The following RABEP1 variants were observed in gnomAD, a reference collection of about 807,000 sequenced individuals.
RABEP1 encodes rabaptin, RAB GTPase binding effector protein 1.
In RABEP1, 51 loss-of-function variants were observed where a neutral mutation model predicts 123.4. The ratio of observed to expected loss-of-function variants is 0.41; its 90% CI spans 0.33 to 0.52. RABEP1 has a LOEUF of 0.52. RABEP1 is among the 20% of genes least tolerant of loss of function. The pLI, the probability that RABEP1 is intolerant of heterozygous loss-of-function variation, is 0.16. For missense variants in RABEP1, 888 were observed against 996.3 expected, an observed-to-expected ratio of 0.89 and a Z score of 1.46; for synonymous variants, 347 against 355.2, an observed-to-expected ratio of 0.98 and a Z score of 0.26.
At chr17:5,297,771 C>T (rs542276857) in intron 1 of RABEP1, among the ~76,000 whole-genome samples, 1 of 152,276 alleles carries the variant, frequency 6.6e-6, no homozygotes, top group Admixed American at 6.5e-5. Flanking sequence ...GAGAAGGAAC[C>T]AGCTTAGTGG....
At chr17:5,286,578 C>A (rs556079947) in intron 1 of RABEP1, among the ~76,000 whole-genome samples, 7 of 152,138 alleles carry the variant, frequency 4.6e-5, no homozygotes, top group African/African-American at 9.7e-5. Flanking sequence ...CTAGGAAATA[C>A]AGTGATGAAC....
chr17:5,306,251 C>A (rs943825473), intron 1 of RABEP1, among the ~76,000 whole-genome samples: 1 of 152,194 alleles, frequency 6.6e-6, no homozygotes, highest in Non-Finnish European at 1.5e-5. Context: ...GGCATACTTA[C>A]ATTCTCAGCC....
At chr17:5,381,706 T>C in intron 17 of RABEP1, 1 of 865,026 alleles carries the variant, frequency 1.2e-6, no homozygotes, top group East Asian at 3.5e-5. Flanking sequence ...TTTTTCTGTA[T>C]GCCTTGCCAA....
chr17:5,303,663 T>C (rs1241018231), intron 1 of RABEP1, among the ~76,000 whole-genome samples: 1 of 152,240 alleles, frequency 6.6e-6, no homozygotes, highest in Non-Finnish European at 1.5e-5. Flanking sequence ...ATAGGTGTTT[T>C]CTTGGATTTT....
chr17:5,380,906 G>C (rs1911394888), intron 16 of RABEP1, among the ~76,000 whole-genome samples: 1 of 152,228 alleles, frequency 6.6e-6, no homozygotes, highest in Non-Finnish European at 1.5e-5. Flanking sequence ...GGTCAGACCT[G>C]AAAGTGCAGA....
intron 2 of RABEP1, among the ~76,000 whole-genome samples, chr17:5,330,713 AC>A (rs1413398216): frequency 6.6e-6 from 1 of 152,040 alleles, no homozygotes; most frequent in Non-Finnish European, 1.5e-5. Flanking sequence ...ATACCTTACA[AC>A]TTTAGATGCT....
At chr17:5,332,287 C>T (rs1343629335) in intron 3 of RABEP1, 135 bp downstream of exon 3, 2 of 805,342 alleles carry the variant, frequency 2.5e-6, no homozygotes, top group African/African-American at 1.7e-5. Context: ...TCAAGATATA[C>T]TTTCAGATAA....
rs77907654 is a variant in RABEP1, at chr17:5,286,836, A to G, written c.34+4316A>G. Among the ~76,000 whole-genome samples, 112 of 152,328 alleles carry G rather than the reference A, an allele frequency of 7.4e-4. 3 individuals are homozygous for G. In the East Asian group the frequency reaches 0.019, roughly 26 times the overall value. ...TACGGGTTGTTAGATGATAAGTGCAATGGAAAAAAGAAAACAGAGCAGGAG... is the reference window on the plus strand; with the variant it reads ...TACGGGTTGTTAGATGATAAGTGCAGTGGAAAAAAGAAAACAGAGCAGGAG... On this transcript the variant is annotated intron_variant, in intron 1 of 17. Coordinates refer to ENST00000537505, the MANE Select transcript of RABEP1 (RefSeq NM_004703.6).
In RABEP1 at chr17:5,302,244, A is replaced by ATTTTTTTTTTTTTTT. The variant is rs57770310; in HGVS notation, c.35-6436_35-6435insTTTTTTTTTTTTTTT. 3.2e-3 allele frequency among the ~76,000 whole-genome samples: 382 copies of ATTTTTTTTTTTTTTT among 118,330 alleles called. 39 individuals are homozygous for ATTTTTTTTTTTTTTT. The highest frequency in any genetic ancestry group is 9.1e-3 in the African/African-American group (249 of 27,364). 77.6% of individuals were successfully genotyped at this position (118,330 alleles called of 152,430 possible). ...GATTTAGGGGAATGTTACTGAAAAC[A>ATTTTTTTTTTTTTTT]TTTTTTTTTTTTTTGAGATGGAGTC... On this transcript the variant is annotated intron_variant, in intron 1 of 17. Coordinates refer to ENST00000537505, the MANE Select transcript of RABEP1 (RefSeq NM_004703.6).
chr17:5,285,788 C>A (rs1480389108), intron 1 of RABEP1, among the ~76,000 whole-genome samples: 1 of 152,138 alleles, frequency 6.6e-6, no homozygotes, highest in Non-Finnish European at 1.5e-5. Flanking sequence ...CAAATCCATG[C>A]CATCTGGCTT....
At chr17:5,382,066 T>C (rs1417859027) in intron 17 of RABEP1, among the ~76,000 whole-genome samples, 2 of 147,182 alleles carry the variant, frequency 1.4e-5, no homozygotes, top group African/African-American at 2.5e-5. Context: ...TAAGTTTTTT[T>C]CCCAATGGAA....
Position 5,367,915 on chromosome 17 carries a change from C to T in RABEP1, c.1786-455C>T, listed in dbSNP as rs1446825277. On this transcript the variant is annotated intron_variant, in intron 11 of 17. Transcript: ENST00000537505. ...GAATACAGGTGCCCGCCACCACACC[C>T]AGCTAATTTTTTTTTACTTTTAGTA... is the stretch of plus-strand genomic sequence containing the variant. Among the ~76,000 whole-genome samples, 5 of 151,100 alleles carry T rather than the reference C, an allele frequency of 3.3e-5. No homozygotes were observed. In the Admixed American group the frequency reaches 3.3e-4, roughly 10 times the overall value.
chr17:5,299,131 G>A (rs1230609524), intron 1 of RABEP1, among the ~76,000 whole-genome samples: 1 of 152,182 alleles, frequency 6.6e-6, no homozygotes, highest in Non-Finnish European at 1.5e-5. Flanking sequence ...TGTGGAGGGG[G>A]TGTGGTGGGA....
intron 1 of RABEP1, among the ~76,000 whole-genome samples, chr17:5,300,710 T>A (rs1251161699): frequency 6.6e-6 from 1 of 152,228 alleles, no homozygotes; most frequent in Non-Finnish European, 1.5e-5. Context: ...TAGCACCCTA[T>A]GAGCAGTCTT....
chr17:5,327,421 G>T (rs184548638), intron 2 of RABEP1, among the ~76,000 whole-genome samples: 1 of 152,126 alleles, frequency 6.6e-6, no homozygotes, highest in East Asian at 1.9e-4. Flanking sequence ...AAGATGTTTG[G>T]CAGTATGATG....
At chr17:5,299,937 C>T (rs982229914) in intron 1 of RABEP1, among the ~76,000 whole-genome samples, 4 of 151,586 alleles carry the variant, frequency 2.6e-5, no homozygotes, top group Admixed American at 2.0e-4. Flanking sequence ...ACCATGTGTG[C>T]CAGGATGCTC....
At position 5,361,416 on chromosome 17, in the gene RABEP1, A is replaced by G; in HGVS notation, c.1304A>G (p.Asp435Gly). 2 of 1,614,162 alleles carry G rather than the reference A, an allele frequency of 1.2e-6. No homozygotes were observed. The highest frequency in any genetic ancestry group is 8.5e-7 in the Non-Finnish European group (1 of 1,180,018). ...NYKAKSAGNL[D>G]ESDFGPLVGA... ...AAAGCAAAATCTGCTGGAAACCTGG[A>G]CGAGTCAGATTTTGGACCACTGGTA... is the stretch of plus-strand genomic sequence containing the variant. Residue 435 changes from aspartate to glycine, a missense_variant, in exon 9 of 18, where the codon GAC becomes GGC. Transcript: ENST00000537505.
intron 6 of RABEP1, among the ~76,000 whole-genome samples, chr17:5,348,602 C>G (rs1908268010): frequency 6.6e-6 from 1 of 151,988 alleles, no homozygotes; most frequent in African/African-American, 2.4e-5. Context: ...CCCTTGTCGC[C>G]CAGGCTGGAG....
chr17:5,369,801 A>G (rs1910381811), intron 12 of RABEP1, among the ~76,000 whole-genome samples: 1 of 151,922 alleles, frequency 6.6e-6, no homozygotes, highest in South Asian at 2.1e-4. Flanking sequence ...CCTGGGTTCA[A>G]GTGATTCTCC....
Sources: gnomAD v4.1 joint callset for allele counts (sites outside exome capture counted in the v4.1 genomes callset) on GRCh38, gnomAD v4.1.1 for gene constraint, MANE v1.5 for transcripts, NCBI Gene and HGNC (gene_info 2026-07-23, HGNC 2026-07-21) for gene names.